The following TMC1 variants were observed in gnomAD, a reference collection of about 807,000 sequenced individuals.
TMC1 encodes transmembrane channel like 1, also known as transmembrane channel-like protein 1.
TMC1 carries 84 observed loss-of-function variants against 105.8 expected under a neutral mutation model. That is an observed-to-expected ratio of 0.79 (90% confidence interval 0.67 to 0.95). TMC1 has a LOEUF of 0.95. TMC1 is among the 40% of genes least tolerant of loss of function. TMC1 has a pLI of 0.00. For synonymous variants in TMC1, 315 were observed against 311.5 expected (o/e 1.01, Z -0.12); for missense variants, 817 against 914.1 (o/e 0.89, Z 1.37).
chr9:72,581,004 G>T (rs1824465943), intron 2 of TMC1, among the ~76,000 whole-genome samples: 2 of 152,150 alleles, frequency 1.3e-5, no homozygotes, highest in African/African-American at 4.8e-5. Flanking sequence ...CTCTATATTT[G>T]CAGAAAGTCC....
intron 23 of TMC1, among the ~76,000 whole-genome samples, chr9:72,830,944 C>T (rs942190403): frequency 1.3e-5 from 2 of 151,828 alleles, no homozygotes; most frequent in Non-Finnish European, 2.9e-5. Context: ...TTAAAAGTGA[C>T]CTTGAAAATG....
Position 72,591,088 on chromosome 9 carries a change from G to A in TMC1, c.-306+13065G>A, listed in dbSNP as rs562691590. Among the ~76,000 whole-genome samples the A allele has an allele frequency of 7.9e-5, 12 of 152,320 alleles. No individual in the cohort carries two copies. The South Asian group carries it at 1.0e-3, about 13-fold the overall frequency. The stretch of plus-strand genomic sequence containing the variant: ...GCATGGAGCCTGCAGAGAACAGACA[G>A]AAGGTCAGTGTGATGAAGATGGGAG... On this transcript the variant is annotated intron_variant, in intron 2 of 23. Transcript: ENST00000297784.
intron 2 of TMC1, among the ~76,000 whole-genome samples, chr9:72,603,549 GTGT>G (rs10655236): frequency 1.3e-4 from 20 of 151,328 alleles, no homozygotes; most frequent in East Asian, 5.9e-4. Context: ...GTTTAGTTTA[GTGT>G]TGTTGTTGTT....
intron 17 of TMC1, among the ~76,000 whole-genome samples, chr9:72,797,067 C>T (rs367839162): frequency 1.3e-5 from 2 of 152,052 alleles, no homozygotes; most frequent in African/African-American, 2.4e-5. Context: ...TTCTTATACA[C>T]CAACAACAGG....
At chr9:72,747,447 C>G (rs1827507507) in intron 10 of TMC1, among the ~76,000 whole-genome samples, 1 of 152,056 alleles carries the variant, frequency 6.6e-6, no homozygotes, top group Admixed American at 6.6e-5. Context: ...ATTACTTTGC[C>G]TTAATAATAA....
At chr9:72,792,995 C>T (rs939099460) in intron 17 of TMC1, among the ~76,000 whole-genome samples, 5 of 152,144 alleles carry the variant, frequency 3.3e-5, no homozygotes, top group African/African-American at 1.2e-4. Context: ...TGAGTGAATG[C>T]ACGACCTTGG....
chr9:72,531,813 A>G (rs2132057871), intron 1 of TMC1, among the ~76,000 whole-genome samples: 1 of 152,240 alleles, frequency 6.6e-6, no homozygotes, highest in East Asian at 1.9e-4. Context: ...AATGCCCTCA[A>G]TTCAAAAATG....
chr9:72,661,412 A>C (rs891315916), intron 5 of TMC1, among the ~76,000 whole-genome samples: 1 of 152,226 alleles, frequency 6.6e-6, no homozygotes, highest in Admixed American at 6.5e-5. Flanking sequence ...CTGCATGCCC[A>C]GCACTTTTTC....
At chr9:72,590,572 A>G (rs760419932) in intron 2 of TMC1, among the ~76,000 whole-genome samples, 21 of 152,338 alleles carry the variant, frequency 1.4e-4, no homozygotes, top group Admixed American at 3.3e-4. Flanking sequence ...AAATGGGAAC[A>G]CTAATTAATG....
chr9:72,610,388 G>A (rs1014596402), intron 2 of TMC1, among the ~76,000 whole-genome samples: 7 of 152,132 alleles, frequency 4.6e-5, no homozygotes, highest in African/African-American at 1.7e-4. Flanking sequence ...AGAACCTATG[G>A]TGTAGTCCAG....
chr9:72,695,010 T>C (rs937851199), intron 7 of TMC1, among the ~76,000 whole-genome samples: 5 of 152,190 alleles, frequency 3.3e-5, no homozygotes, highest in African/African-American at 1.2e-4. Context: ...CCACTAATTG[T>C]ATGCATTGTT....
At chr9:72,655,367 G>C (rs977493116) in intron 5 of TMC1, among the ~76,000 whole-genome samples, 10 of 152,126 alleles carry the variant, frequency 6.6e-5, no homozygotes, top group African/African-American at 2.4e-4. Flanking sequence ...CAGGTTGCTA[G>C]TCCCTTTTTT....
intron 2 of TMC1, among the ~76,000 whole-genome samples, chr9:72,613,744 T>TTGTG (rs374402652): frequency 6.6e-6 from 1 of 151,866 alleles, no homozygotes; most frequent in African/African-American, 2.4e-5. Flanking sequence ...GCGTGTTTTC[T>TTGTG]TGTGTGTGTG....
intron 8 of TMC1, among the ~76,000 whole-genome samples, chr9:72,702,362 A>T (rs1826659886): frequency 6.6e-6 from 1 of 152,046 alleles, no homozygotes; most frequent in African/African-American, 2.4e-5. Context: ...TTGAGTTAGG[A>T]TCTCAGATCT....
At chr9:72,664,015 A>G (rs1826005287) in intron 5 of TMC1, among the ~76,000 whole-genome samples, 1 of 152,200 alleles carries the variant, frequency 6.6e-6, no homozygotes, top group Non-Finnish European at 1.5e-5. Context: ...TTCATGGACA[A>G]TAACACGAAG....
At chr9:72,763,085 CTTTTTT>C (rs148498655) in intron 12 of TMC1, among the ~76,000 whole-genome samples, 2 of 109,512 alleles carry the variant, frequency 1.8e-5, no homozygotes, top group Admixed American at 9.5e-5. Context: ...CTAGCGATGC[CTTTTTT>C]TTTTTTTTTT....
chr9:72,778,436 C>T (rs767530481), intron 13 of TMC1, among the ~76,000 whole-genome samples: 2 of 152,072 alleles, frequency 1.3e-5, no homozygotes, highest in African/African-American at 2.4e-5. Context: ...GTTAAATAGG[C>T]GTGGAGTAGC....
chr9:72,668,286 A>G (rs1826074901), intron 5 of TMC1, among the ~76,000 whole-genome samples: 1 of 152,218 alleles, frequency 6.6e-6, no homozygotes, highest in South Asian at 2.1e-4. Flanking sequence ...AAGGTTAAAA[A>G]GTTGTCTGGT....
chr9:72,628,987 A>G (rs1187975617), intron 4 of TMC1, among the ~76,000 whole-genome samples: 1 of 152,232 alleles, frequency 6.6e-6, no homozygotes, highest in East Asian at 1.9e-4. Context: ...ATTTATCATA[A>G]TGGAAATAGT....
Sources: allele counts gnomAD v4.1 joint callset (sites outside exome capture counted in the v4.1 genomes callset), GRCh38; gene constraint gnomAD v4.1.1; transcripts MANE v1.5; gene names NCBI Gene and HGNC (gene_info 2026-07-23, HGNC 2026-07-21).